The following PINK1 variants were observed in gnomAD, a reference collection of about 807,000 sequenced individuals.
The protein encoded by PINK1 is PTEN induced kinase 1.
PINK1 carries 58 observed loss-of-function variants against 56.0 expected under a neutral mutation model. The ratio of observed to expected loss-of-function variants is 1.04; its 90% CI spans 0.84 to 1.29. The LOEUF is 1.29. Among genes scored for constraint, PINK1 ranks in the 50% most tolerant of loss-of-function variants. PINK1 has a pLI of 0.00. For missense variants in PINK1, 745 were observed against 777.9 expected, an observed-to-expected ratio of 0.96 and a Z score of 0.50; for synonymous variants, 354 against 339.3, an observed-to-expected ratio of 1.04 and a Z score of -0.48.
rs79022700 is a variant in PINK1, at chr1:20,639,652, T to C, written c.676-240T>C. 8,073 of 586,888 alleles carry C rather than the reference T, an allele frequency of 0.014. 244 individuals carry two copies. Among genetic ancestry groups the C allele is most frequent in the African/African-American group, 0.063 (3,401 of 54,356 alleles). The allele number at this position is 586,888 out of a possible 1,614,324, so 36.4% of individuals were successfully genotyped here. A position where few individuals can be genotyped will look rare whatever the true frequency, so the allele number is the denominator to read the frequency against. On this transcript the variant is annotated intron_variant, in intron 2 of 7. Coordinates refer to ENST00000321556, the MANE Select transcript of PINK1 (RefSeq NM_032409.3). ...CTTGGCATCTCCTCCAGCCCTGGCA[T>C]CTAGGCTGCAAGAGTTTGAGGAGTG...
chr1:20,635,946 C>G (rs2154533580), intron 1 of PINK1, among the ~76,000 whole-genome samples: 1 of 152,310 alleles, frequency 6.6e-6, no homozygotes, highest in East Asian at 1.9e-4. Context: ...GTGAGAGAAT[C>G]TCTTGAGCCC....
chr1:20,645,857 G>T, intron 5 of PINK1, 134 bp downstream of exon 5: 1 of 1,193,748 alleles, frequency 8.4e-7, no homozygotes, highest in Non-Finnish European at 1.2e-6. Flanking sequence ...GCACACAAGA[G>T]GTTAGCAATC....
At chr1:20,650,232 A>C in intron 7 of PINK1, 1 of 667,332 alleles carries the variant, frequency 1.5e-6, no homozygotes, top group Non-Finnish European at 2.6e-6. Flanking sequence ...TGCCCCATGC[A>C]GAGGTGTACA....
intron 3 of PINK1, chr1:20,642,637 CCTTTCA>C (rs1174472300): frequency 6.6e-6 from 1 of 152,212 alleles, no homozygotes; most frequent in Non-Finnish European, 1.5e-5. Context: ...GGAGTTTCAG[CCTTTCA>C]GAAAGTGGTT....
chr1:20,639,362 T>G (rs1386284451), intron 2 of PINK1: 3 of 191,002 alleles, frequency 1.6e-5, no homozygotes, highest in Non-Finnish European at 3.3e-5. Flanking sequence ...TTGATACAGG[T>G]TTCATATGTC....
chr1:20,650,897 A>T lies in PINK1; in HGVS notation c.*206A>T, dbSNP rs1047993387. 6.0e-6 allele frequency: 4 copies of T among 662,902 alleles called. No individual in the cohort carries two copies. Among genetic ancestry groups the T allele is most frequent in the African/African-American group, 5.4e-5 (3 of 55,490 alleles). The allele number at this position is 662,902 out of a possible 1,614,324, so 41.1% of individuals were successfully genotyped here. On this transcript the variant is annotated 3_prime_UTR_variant, in exon 8 of 8. Coordinates refer to ENST00000321556, the MANE Select transcript of PINK1 (RefSeq NM_032409.3). ...CTGCTCACAGACATCTGAAAAGTGA[A>T]TGGCCAAGCTGGTCTAGTAGATGAG...
Position 20,633,543 on chromosome 1 carries a change from G to C in PINK1, c.-6G>C, listed in dbSNP as rs1159892071. ...GGCTGCGGGGGCACCGGGCCGCGGC[G>C]CCACCATGGCGGTGCGACAGGCGCT... On this transcript the variant is annotated 5_prime_UTR_variant, in exon 1 of 8. Coordinates refer to ENST00000321556, the MANE Select transcript of PINK1 (RefSeq NM_032409.3). The C allele has an allele frequency of 8.6e-7, 1 of 1,165,278 alleles. No individual in the cohort carries two copies. The highest frequency in any genetic ancestry group is 1.1e-6 in the Non-Finnish European group (1 of 945,472). 72.2% of individuals were successfully genotyped at this position (1,165,278 alleles called of 1,614,324 possible).
At chr1:20,648,418 T>G in intron 5 of PINK1, 87 bp from the exon 6 acceptor site, 1 of 1,582,862 alleles carries the variant, frequency 6.3e-7, no homozygotes, top group South Asian at 1.1e-5. Flanking sequence ...CAGCTATGTC[T>G]TGCTGGTGGC....
chr1:20,648,502 C>T lies in PINK1; in HGVS notation c.1124-3C>T. Reference sequence around the variant, plus strand: ...AATGGTCACTTTGCTTGCTCCTTCCCAGACGGCTGCCCCTGGCTGGTGATC... The same window carrying T: ...AATGGTCACTTTGCTTGCTCCTTCCTAGACGGCTGCCCCTGGCTGGTGATC... On this transcript the variant is annotated splice_polypyrimidine_tract_variant and splice_region_variant and intron_variant, in intron 5 of 7. Coordinates refer to ENST00000321556, the MANE Select transcript of PINK1 (RefSeq NM_032409.3). 1 of 1,614,164 alleles carries T rather than the reference C, an allele frequency of 6.2e-7. No individual in the cohort carries two copies. Among genetic ancestry groups the T allele is most frequent in the Non-Finnish European group, 8.5e-7 (1 of 1,180,022 alleles).
chr1:20,639,004 T>C (rs993116388), intron 2 of PINK1: 39 of 152,290 alleles, frequency 2.6e-4, no homozygotes, highest in African/African-American at 9.2e-4. Flanking sequence ...ACGAAAACAA[T>C]TTCTGTCCAC....
chr1:20,643,425 C>G (rs1476169775), intron 3 of PINK1, among the ~76,000 whole-genome samples: 1 of 152,230 alleles, frequency 6.6e-6, no homozygotes, highest in Non-Finnish European at 1.5e-5. Context: ...TGGATCTATT[C>G]ACTTATTCAA....
At chr1:20,649,624 G>T (rs2053239409) in intron 7 of PINK1, 1 of 239,442 alleles carries the variant, frequency 4.2e-6, no homozygotes, top group South Asian at 5.4e-5. Context: ...AATTAGCTGA[G>T]TGTCGTGGCA....
chr1:20,642,195 C>T (rs1242890581), intron 3 of PINK1, among the ~76,000 whole-genome samples: 1 of 152,218 alleles, frequency 6.6e-6, no homozygotes, highest in Non-Finnish European at 1.5e-5. Flanking sequence ...CTGCCCCATT[C>T]GCTTCCCTCC....
intron 7 of PINK1, 198 bp from the exon 8 acceptor site, chr1:20,650,236 G>A (rs1557568042): frequency 1.4e-6 from 1 of 691,478 alleles, no homozygotes. Context: ...CCATGCAGAG[G>A]TGTACACATG....
At chr1:20,634,189 C>T (rs1013182667) in intron 1 of PINK1, among the ~76,000 whole-genome samples, 2 of 152,230 alleles carry the variant, frequency 1.3e-5, no homozygotes, top group Non-Finnish European at 2.9e-5. Context: ...CCTGTCGCAG[C>T]ACAGCAAAAG....
At position 20,633,846 on chromosome 1, in the gene PINK1, G is replaced by T; in HGVS notation, c.298G>T (p.Val100Phe). The T allele has an allele frequency of 6.3e-7, 1 of 1,579,270 alleles. No individual in the cohort carries two copies. ...CTGCGCGGGCCCTTGCGGCCGGGCA[G>T]TCTTTCTGGCCTTCGGGCTAGGGCT... ...WGCAGPCGRA[V>F]FLAFGLGLGL... is the part of the protein sequence containing the mutation. The change falls in exon 1 of 8, where the codon GTC becomes TTC. Residue 100 changes from valine to phenylalanine, a missense_variant. Coordinates refer to ENST00000321556, the MANE Select transcript of PINK1 (RefSeq NM_032409.3).
rs1316705336 is a variant in PINK1 at position 20,650,395 on chromosome 1, T to TAAC, written c.1489-37_1489-35dup. 12 of 1,612,136 alleles carry TAAC rather than the reference T, an allele frequency of 7.4e-6. No homozygotes were observed. In the African/African-American group the frequency reaches 1.5e-4, roughly 20 times the overall value. ...AGCAGGCTTTGGGTTGAGACTGTGT[T>TAAC]AACAGATGTTCTAGCTACAGCTTCC... On this transcript the variant is annotated intron_variant, in intron 7 of 7. Transcript: ENST00000321556.
At position 20,648,497 on chromosome 1, in the gene PINK1, C is replaced by T. The variant is rs2053215769; in HGVS notation, c.1124-8C>T. The T allele has an allele frequency of 6.2e-7, 1 of 1,613,986 alleles. No individual in the cohort carries two copies. Among genetic ancestry groups the T allele is most frequent in the African/African-American group, 1.3e-5 (1 of 74,920 alleles). ...GGAGAAATGGTCACTTTGCTTGCTCCTTCCCAGACGGCTGCCCCTGGCTGG... is the reference window on the plus strand; with the variant it reads ...GGAGAAATGGTCACTTTGCTTGCTCTTTCCCAGACGGCTGCCCCTGGCTGG... On this transcript the variant is annotated splice_polypyrimidine_tract_variant and splice_region_variant and intron_variant, in intron 5 of 7. Transcript: ENST00000321556.
intron 1 of PINK1, among the ~76,000 whole-genome samples, chr1:20,636,868 T>C (rs1244711090): frequency 1.3e-5 from 2 of 152,050 alleles, no homozygotes; most frequent in Admixed American, 6.6e-5. Flanking sequence ...GTGAGCAGCT[T>C]TCAGAGGGAG....
Sources: gnomAD v4.1 joint callset for allele counts (sites outside exome capture counted in the v4.1 genomes callset) on GRCh38, gnomAD v4.1.1 for gene constraint, MANE v1.5 for transcripts, NCBI Gene and HGNC (gene_info 2026-07-23, HGNC 2026-07-21) for gene names.